Variants in CCDC148 observed in about 807,000 individuals in gnomAD.
CCDC148 encodes coiled-coil domain-containing protein 148.
A neutral mutation model predicts 85.7 loss-of-function variants in CCDC148; 89 were observed. The ratio of observed to expected loss-of-function variants is 1.04; its 90% CI spans 0.87 to 1.24. CCDC148 has a LOEUF of 1.24. Among genes scored for constraint, CCDC148 ranks in the 50% most tolerant of loss-of-function variants. The probability of loss-of-function intolerance (pLI) is 0.00; values close to 1 mark genes in which losing one functional copy is unlikely to be tolerated. For missense variants in CCDC148, 692 were observed against 671.7 expected (o/e 1.03, Z -0.33); for synonymous variants, 230 against 213.9 (o/e 1.08, Z -0.66).
intron 1 of CCDC148, among the ~76,000 whole-genome samples, chr2:158,427,803 C>G (rs970623440): frequency 6.6e-6 from 1 of 151,954 alleles, no homozygotes; most frequent in Non-Finnish European, 1.5e-5. Context: ...CTGAAGAGGT[C>G]GAGGCTACAG....
chr2:158,211,384 G>A lies in CCDC148; in HGVS notation c.1370+9211C>T, dbSNP rs200982362. ...GGTCAATTCATTGACACATACATAT[G>A]AAACAAAAATAATGGTGGGCATAAA... On this transcript the variant is annotated intron_variant, in intron 11 of 13. Coordinates refer to ENST00000283233, the MANE Select transcript of CCDC148 (RefSeq NM_138803.4). 3.3e-5 allele frequency among the ~76,000 whole-genome samples: 5 copies of A among 152,226 alleles called. No homozygotes were observed. The East Asian group carries it at 9.7e-4, about 29-fold the overall frequency.
intron 11 of CCDC148, among the ~76,000 whole-genome samples, chr2:158,218,798 G>T (rs1030025441): frequency 2.0e-5 from 3 of 152,238 alleles, no homozygotes; most frequent in African/African-American, 7.2e-5. Flanking sequence ...GTTAATCTGG[G>T]TTCTCATTGG....
At chr2:158,314,774 C>T (rs1186863473) in intron 7 of CCDC148, among the ~76,000 whole-genome samples, 1 of 152,128 alleles carries the variant, frequency 6.6e-6, no homozygotes, top group African/African-American at 2.4e-5. Context: ...TTATTAGCAA[C>T]AAATACTTCT....
intron 10 of CCDC148, among the ~76,000 whole-genome samples, chr2:158,243,409 A>C (rs1688434291): frequency 6.6e-6 from 1 of 152,132 alleles, no homozygotes; most frequent in African/African-American, 2.4e-5. Context: ...TTTCAGTCCA[A>C]GCTGGCAGTG....
At chr2:158,440,903 A>G (rs1275117752) in intron 1 of CCDC148, among the ~76,000 whole-genome samples, 1 of 152,128 alleles carries the variant, frequency 6.6e-6, no homozygotes, top group East Asian at 1.9e-4. Flanking sequence ...AAAATGAGCC[A>G]GGCATAGTGG....
chr2:158,380,713 C>A (rs565238330), intron 1 of CCDC148: 4 of 152,180 alleles, frequency 2.6e-5, no homozygotes, highest in South Asian at 4.2e-4. Context: ...GTACCATATA[C>A]CAAGATCCAT....
Position 158,185,379 on chromosome 2 carries a change from C to G in CCDC148, c.1371-6383G>C, listed in dbSNP as rs139408068. 8.9e-4 allele frequency among the ~76,000 whole-genome samples: 136 copies of G among 152,232 alleles called. 1 individual carries two copies. In the East Asian group the frequency reaches 0.024, roughly 26 times the overall value. On this transcript the variant is annotated intron_variant, in intron 11 of 13. Transcript: ENST00000283233. ...ATTTAAAGGGTCTATTCAGTAAAAT[C>G]AAAGGAAGAGGAAATAACTCGAAGG...
intron 1 of CCDC148, among the ~76,000 whole-genome samples, chr2:158,411,269 G>A (rs976040486): frequency 1.3e-5 from 2 of 152,038 alleles, no homozygotes; most frequent in African/African-American, 4.8e-5. Context: ...CTTTAAGTAA[G>A]CTTTTTGCCC....
chr2:158,256,136 A>G (rs1689000637), intron 9 of CCDC148, among the ~76,000 whole-genome samples: 1 of 151,872 alleles, frequency 6.6e-6, no homozygotes, highest in African/African-American at 2.4e-5. Flanking sequence ...ATTAACATCA[A>G]TGAAACAATA....
At chr2:158,260,558 G>C (rs1240087664) in intron 9 of CCDC148, among the ~76,000 whole-genome samples, 1 of 152,020 alleles carries the variant, frequency 6.6e-6, no homozygotes, top group Non-Finnish European at 1.5e-5. Flanking sequence ...AATAGAAAGA[G>C]AGGAAGTCGA....
rs145239899 is a variant in CCDC148 at position 158,253,245 on chromosome 2, G to T, written c.1111-2333C>A. ...AAAGTTCAAAAGGATGATGTCAACT[G>T]ATCAATATAGAATCTAAATAATTTA... is the stretch of plus-strand genomic sequence containing the variant. On this transcript the variant is annotated intron_variant, in intron 9 of 13. Coordinates refer to ENST00000283233, the MANE Select transcript of CCDC148 (RefSeq NM_138803.4). Among the ~76,000 whole-genome samples the T allele has an allele frequency of 3.3e-3, 494 of 151,810 alleles. 3 individuals are homozygous for T. Among genetic ancestry groups the T allele is most frequent in the African/African-American group, 0.012 (483 of 41,492 alleles).
intron 7 of CCDC148, among the ~76,000 whole-genome samples, chr2:158,314,604 T>C (rs1261279191): frequency 6.6e-6 from 1 of 152,240 alleles, no homozygotes; most frequent in Admixed American, 6.5e-5. Context: ...GCATTCTTTC[T>C]AGACTATTAG....
At chr2:158,187,867 T>C (rs1486329580) in intron 11 of CCDC148, among the ~76,000 whole-genome samples, 1 of 152,050 alleles carries the variant, frequency 6.6e-6, no homozygotes, top group Non-Finnish European at 1.5e-5. Context: ...TGAGCTTTTA[T>C]TTGTTCTTTA....
intron 9 of CCDC148, among the ~76,000 whole-genome samples, chr2:158,302,515 G>A (rs1691491039): frequency 6.6e-6 from 1 of 152,164 alleles, no homozygotes; most frequent in African/African-American, 2.4e-5. Flanking sequence ...GCCGGGAGCG[G>A]TGGCTCACAC....
intron 1 of CCDC148, among the ~76,000 whole-genome samples, chr2:158,426,088 T>A: frequency 7.5e-6 from 1 of 133,728 alleles, no homozygotes; most frequent in Non-Finnish European, 1.8e-5. Flanking sequence ...AAAATCCAAA[T>A]AAATATAGAA....
intron 2 of CCDC148, among the ~76,000 whole-genome samples, chr2:158,351,027 A>G (rs1683241228): frequency 6.6e-6 from 1 of 152,136 alleles, no homozygotes; most frequent in Non-Finnish European, 1.5e-5. Flanking sequence ...ATTGGCCTTG[A>G]GATCCCAATT....
intron 10 of CCDC148, among the ~76,000 whole-genome samples, chr2:158,249,976 C>A (rs1407375544): frequency 6.6e-6 from 1 of 152,062 alleles, no homozygotes; most frequent in Non-Finnish European, 1.5e-5. Context: ...TTTTACTCTG[C>A]TGATCACAAA....
rs369515558 is a variant in CCDC148, at chr2:158,339,547, G to A, written c.487-462C>T. ...AACATAGCACACCTATACTCAAGAA[G>A]TTTATGCTCAATTGAGGGGAAGCAG... On this transcript the variant is annotated intron_variant, in intron 5 of 13. Coordinates refer to ENST00000283233, the MANE Select transcript of CCDC148 (RefSeq NM_138803.4). 3.3e-5 allele frequency among the ~76,000 whole-genome samples: 5 copies of A among 152,188 alleles called. No individual in the cohort carries two copies. In the East Asian group the frequency reaches 9.7e-4, roughly 29 times the overall value.
chr2:158,298,213 C>T (rs967790861), intron 9 of CCDC148, among the ~76,000 whole-genome samples: 1 of 152,168 alleles, frequency 6.6e-6, no homozygotes, highest in Admixed American at 6.5e-5. Flanking sequence ...TGGTCCCTCC[C>T]ACAACATGTG....
Sources: allele counts gnomAD v4.1 joint callset (sites outside exome capture counted in the v4.1 genomes callset), GRCh38; gene constraint gnomAD v4.1.1; transcripts MANE v1.5; gene names NCBI Gene and HGNC (gene_info 2026-07-23, HGNC 2026-07-21).